The following CCDC86 variants were observed in gnomAD, a reference collection of about 807,000 sequenced individuals.
The protein encoded by CCDC86 is coiled-coil domain-containing protein 86.
In CCDC86, 28 loss-of-function variants were observed where a neutral mutation model predicts 36.7. The ratio of observed to expected loss-of-function variants is 0.76; its 90% CI spans 0.57 to 1.05. The LOEUF (loss-of-function observed/expected upper bound fraction) is 1.05. Ranked by LOEUF, CCDC86 falls within the 50% of genes least tolerant of loss-of-function variation. The pLI, the probability that CCDC86 is intolerant of heterozygous loss-of-function variation, is 0.00. For missense variants in CCDC86, 453 were observed against 470.2 expected (o/e 0.96, Z 0.34); for synonymous variants, 199 against 203.4 (o/e 0.98, Z 0.18).
intron 1 of CCDC86, among the ~76,000 whole-genome samples, chr11:60,843,769 A>G (rs1408589907): frequency 2.0e-5 from 3 of 152,206 alleles, no homozygotes; most frequent in Non-Finnish European, 4.4e-5. Flanking sequence ...TCAGGGATGT[A>G]TGCCTGTGAG....
chr11:60,850,336 G>T lies in CCDC86; in HGVS notation c.*11G>T. ...GCAGCCAAGATCTGAGCTCAGGACG[G>T]CCCGAGGCCTTCCATGGCCAACAAC... On this transcript the variant is annotated 3_prime_UTR_variant, in exon 4 of 4. Coordinates refer to ENST00000227520, the MANE Select transcript of CCDC86 (RefSeq NM_024098.4). 2 of 1,612,358 alleles carry T rather than the reference G, an allele frequency of 1.2e-6. No individual in the cohort carries two copies. The highest frequency in any genetic ancestry group is 4.5e-5 in the East Asian group (2 of 44,826).
chr11:60,843,783 C>T (rs73486900), intron 1 of CCDC86, among the ~76,000 whole-genome samples: 12,363 of 152,170 alleles, frequency 0.081, 599 homozygotes, highest in Middle Eastern at 0.14. Flanking sequence ...CTGTGAGGGA[C>T]CATGAGGAAG....
At chr11:60,848,439 A>G (rs1855214696) in intron 2 of CCDC86, among the ~76,000 whole-genome samples, 1 of 151,918 alleles carries the variant, frequency 6.6e-6, no homozygotes, top group African/African-American at 2.4e-5. Context: ...TGCAGATTTG[A>G]ACTCCATGTC....
rs573703737 is a variant in CCDC86, at chr11:60,843,891, C to G, written c.758+1009C>G. Among the ~76,000 whole-genome samples, 122 of 152,300 alleles carry G rather than the reference C, an allele frequency of 8.0e-4. 2 individuals are homozygous for G. In the South Asian group the frequency reaches 0.016, roughly 19 times the overall value. ...CCCTAGGCTGTGGATATTATCCCCC[C>G]ACCCCTGATGAAACAGAAGAAACTG... On this transcript the variant is annotated intron_variant, in intron 1 of 3. Transcript: ENST00000227520.
chr11:60,849,905 C>G (rs770026590), intron 2 of CCDC86, 35 bp from the exon 3 acceptor site: 1 of 1,591,664 alleles, frequency 6.3e-7, no homozygotes, highest in Non-Finnish European at 8.6e-7. Context: ...TGCCTCTGCT[C>G]CCCGACTCAA....
chr11:60,846,600 G>GTT (rs1434794030), intron 1 of CCDC86, among the ~76,000 whole-genome samples: 1 of 151,778 alleles, frequency 6.6e-6, no homozygotes, highest in Non-Finnish European at 1.5e-5. Flanking sequence ...TTGAGACGGA[G>GTT]TTTCATTCTT....
chr11:60,845,662 G>T (rs918919002), intron 1 of CCDC86, among the ~76,000 whole-genome samples: 1 of 152,248 alleles, frequency 6.6e-6, no homozygotes, highest in African/African-American at 2.4e-5. Flanking sequence ...CATGCCAAAC[G>T]CCACTTTCTC....
chr11:60,847,937 C>G lies in CCDC86; in HGVS notation c.772C>G (p.Leu258Val). The change falls in exon 2 of 4, where the codon CTT (leucine) becomes GTT (valine). Residue 258 changes from leucine (L) to valine (V), a missense_variant. By Grantham distance (32) the Leu-to-Val change is conservative. Coordinates refer to ENST00000227520, the MANE Select transcript of CCDC86 (RefSeq NM_024098.4). ...DRSKKRFSQMLQDKPLRTSWQ... is the reference protein window; with the variant it reads ...DRSKKRFSQMVQDKPLRTSWQ... ...TCCCCCTTTCAGATTCTCCCAGATG[C>G]TTCAGGACAAGCCCCTGCGCACATC... The G allele has an allele frequency of 5.0e-6, 8 of 1,612,316 alleles. No individual in the cohort carries two copies. Among genetic ancestry groups the G allele is most frequent in the Non-Finnish European group, 6.8e-6 (8 of 1,178,902 alleles).
At position 60,842,883 on chromosome 11, in the gene CCDC86, G is replaced by A. The variant is rs2134797691; in HGVS notation, c.758+1G>A. The A allele has an allele frequency of 6.4e-7, 1 of 1,558,670 alleles. No homozygotes were observed. Among genetic ancestry groups the A allele is most frequent in the East Asian group, 2.3e-5 (1 of 44,348 alleles). ...TGTGGAAGGACCGCTCCAAGAAAAGGTGAAGTGGGGGACAGCATGGACAGG... is the reference window on the plus strand; with the variant it reads ...TGTGGAAGGACCGCTCCAAGAAAAGATGAAGTGGGGGACAGCATGGACAGG... On this transcript the variant is annotated splice_donor_variant, in intron 1 of 3. Transcript: ENST00000227520. LOFTEE classifies it high-confidence loss of function.
Position 60,842,809 on chromosome 11 carries a change from A to AC in CCDC86, c.685_686insC (p.Lys229ThrfsTer76). 6.2e-7 allele frequency: 1 copy of AC among 1,608,770 alleles called. No homozygotes were observed. The highest frequency in any genetic ancestry group is 8.5e-7 in the Non-Finnish European group (1 of 1,176,532). ...GGCCCCAGCGTCCAAGAAGTTGAAT[A>AC]AAGAGGAGCTTCCTGTAATCCCGAA... On this transcript the variant is annotated frameshift_variant, in exon 1 of 4. Transcript: ENST00000227520. LOFTEE classifies it high-confidence loss of function.
intron 1 of CCDC86, among the ~76,000 whole-genome samples, chr11:60,844,156 G>C (rs1340976241): frequency 1.3e-5 from 2 of 152,170 alleles, no homozygotes; most frequent in Non-Finnish European, 2.9e-5. Context: ...CGCTGCAGGT[G>C]GGGAGATGGG....
chr11:60,848,481 C>A (rs1855215493), intron 2 of CCDC86, among the ~76,000 whole-genome samples: 2 of 152,124 alleles, frequency 1.3e-5, no homozygotes, highest in East Asian at 3.9e-4. Context: ...CTCCAAGAAG[C>A]AGCCCACACA....
At chr11:60,849,126 C>T (rs1855221687) in intron 2 of CCDC86, among the ~76,000 whole-genome samples, 1 of 152,180 alleles carries the variant, frequency 6.6e-6, no homozygotes, top group South Asian at 2.1e-4. Flanking sequence ...AGACTCCTAA[C>T]CATGCAGCAG....
rs1855246365 is a variant in CCDC86, at chr11:60,850,378, C to T, written c.*53C>T. Reference sequence around the variant, plus strand: ...GCCAACAACCATGTCAGACACAGCACCTCAGGCCGCTGCTCAGATGCCTCT... The same window carrying T: ...GCCAACAACCATGTCAGACACAGCATCTCAGGCCGCTGCTCAGATGCCTCT... On this transcript the variant is annotated 3_prime_UTR_variant, in exon 4 of 4. Transcript: ENST00000227520. The T allele has an allele frequency of 6.3e-7, 1 of 1,595,466 alleles. No homozygotes were observed. The highest frequency in any genetic ancestry group is 1.7e-5 in the Admixed American group (1 of 58,980).
chr11:60,845,837 G>T (rs530557306), intron 1 of CCDC86, among the ~76,000 whole-genome samples: 1 of 152,294 alleles, frequency 6.6e-6, no homozygotes, highest in East Asian at 1.9e-4. Flanking sequence ...CCTTGCTCCA[G>T]GTCACCCAGG....
At position 60,850,625 on chromosome 11, in the gene CCDC86, T is replaced by G; in HGVS notation, c.*300T>G. Reference sequence around the variant, plus strand: ...ACCAAGAACTGTACATTCTTCTGGTTCCTCAGTGAGCTGGTGACTGGCAGG... The same window carrying G: ...ACCAAGAACTGTACATTCTTCTGGTGCCTCAGTGAGCTGGTGACTGGCAGG... On this transcript the variant is annotated 3_prime_UTR_variant, in exon 4 of 4. Coordinates refer to ENST00000227520, the MANE Select transcript of CCDC86 (RefSeq NM_024098.4). 2.8e-6 allele frequency: 1 copy of G among 361,202 alleles called. No homozygotes were observed. Among genetic ancestry groups the G allele is most frequent in the South Asian group, 4.7e-5 (1 of 21,226 alleles). 22.4% of individuals were successfully genotyped at this position (361,202 alleles called of 1,614,324 possible).
intron 1 of CCDC86, 159 bp downstream of exon 1, chr11:60,843,041 T>A (rs1855144436): frequency 9.7e-7 from 1 of 1,029,198 alleles, no homozygotes; most frequent in Non-Finnish European, 1.3e-6. Context: ...TGTGGTAAAA[T>A]GCCCTGGGAT....
At position 60,842,897 on chromosome 11, in the gene CCDC86, A is replaced by C; in HGVS notation, c.758+15A>C. On this transcript the variant is annotated intron_variant, in intron 1 of 3. Transcript: ENST00000227520. ...TCCAAGAAAAGGTGAAGTGGGGGACAGCATGGACAGGGGTGGCGTTCTCTA... is the reference window on the plus strand; with the variant it reads ...TCCAAGAAAAGGTGAAGTGGGGGACCGCATGGACAGGGGTGGCGTTCTCTA... 1 of 1,546,740 alleles carries C rather than the reference A, an allele frequency of 6.5e-7. No homozygotes were observed. Among genetic ancestry groups the C allele is most frequent in the Non-Finnish European group, 8.7e-7 (1 of 1,145,892 alleles).
At position 60,850,425 on chromosome 11, in the gene CCDC86, C is replaced by T. The variant is rs1590576027; in HGVS notation, c.*100C>T. The T allele has an allele frequency of 2.7e-6, 4 of 1,455,208 alleles. No homozygotes were observed. Among genetic ancestry groups the T allele is most frequent in the East Asian group, 4.8e-5 (2 of 41,276 alleles). The allele number at this position is 1,455,208 out of a possible 1,614,324, so 90.1% of individuals were successfully genotyped here. A position where few individuals can be genotyped will look rare whatever the true frequency, so the allele number is the denominator to read the frequency against. On this transcript the variant is annotated 3_prime_UTR_variant, in exon 4 of 4. Coordinates refer to ENST00000227520, the MANE Select transcript of CCDC86 (RefSeq NM_024098.4). ...CTCTGCTGGAGCTGGCACTCCAAACCCATGGCTCCAGAACAGGGACCCCCA... is the reference window on the plus strand; with the variant it reads ...CTCTGCTGGAGCTGGCACTCCAAACTCATGGCTCCAGAACAGGGACCCCCA...
Sources: allele counts gnomAD v4.1 joint callset (sites outside exome capture counted in the v4.1 genomes callset), GRCh38; gene constraint gnomAD v4.1.1; transcripts MANE v1.5; gene names NCBI Gene and HGNC (gene_info 2026-07-23, HGNC 2026-07-21).